The following RIF1 variants were observed in gnomAD, a reference collection of about 807,000 sequenced individuals.
RIF1 encodes the protein replication timing regulatory factor 1.
RIF1 carries 45 observed loss-of-function variants against 247.1 expected under a neutral mutation model. The observed-to-expected ratio is 0.18, with a 90% CI of 0.14 to 0.23. RIF1 has a LOEUF of 0.23. Among genes scored for constraint, RIF1 ranks in the 10% least tolerant of loss-of-function variants. RIF1 has a pLI of 1.00. For synonymous variants in RIF1, 1,087 were observed against 978.8 expected, an observed-to-expected ratio of 1.11 and a Z score of -2.06; for missense variants, 2,967 against 2,862.5, an observed-to-expected ratio of 1.04 and a Z score of -0.83.
At chr2:151,473,002 G>A (rs2048673451) in intron 34 of RIF1, among the ~76,000 whole-genome samples, 1 of 151,968 alleles carries the variant, frequency 6.6e-6, no homozygotes, top group South Asian at 2.1e-4. Context: ...ATCTGGTCCT[G>A]GACTTTTTTT....
chr2:151,480,999 TATTAA>T lies in RIF1; in HGVS notation c.*5935_*5939del, dbSNP rs1553502958. ...GGACATTTTGTGACACATGAAAACA[TATTAA>T]ATTAAAATTTCAGTATCCAGAAATA... On this transcript the variant is annotated 3_prime_UTR_variant, in exon 36 of 36. Transcript: ENST00000444746. 6.6e-6 allele frequency: 1 copy of T among 152,120 alleles called. No homozygotes were observed. The highest frequency in any genetic ancestry group is 6.5e-5 in the Admixed American group (1 of 15,270). The allele number at this position is 152,120 out of a possible 1,614,324, so 9.4% of individuals were successfully genotyped here.
At chr2:151,444,013 A>C (rs1692806370) in intron 18 of RIF1, among the ~76,000 whole-genome samples, 1 of 152,234 alleles carries the variant, frequency 6.6e-6, no homozygotes, top group Non-Finnish European at 1.5e-5. Context: ...ACAGGGAATA[A>C]CAGCGGTTAT....
chr2:151,458,679 A>G (rs1391838854), intron 24 of RIF1, 132 bp from the exon 25 acceptor site: 2 of 452,482 alleles, frequency 4.4e-6, no homozygotes, highest in Admixed American at 8.2e-5. Flanking sequence ...TACACATAGT[A>G]AGGAACAGTC....
chr2:151,495,228 G>T (rs1225166706), intron 9 of RIF1: 3 of 152,296 alleles, frequency 2.0e-5, no homozygotes, highest in African/African-American at 7.2e-5. Flanking sequence ...TCTCCCCTCA[G>T]TGTCATTCTT....
At chr2:151,496,393 A>T in intron 10 of RIF1, 1 of 1,586,438 alleles carries the variant, frequency 6.3e-7, no homozygotes, top group Non-Finnish European at 8.6e-7. Flanking sequence ...AGCATCCAGA[A>T]AAACAACCAT....
At chr2:151,523,249 T>TA in the RIF1 span, among the ~76,000 whole-genome samples, 135 of 152,316 alleles carry the variant, frequency 8.9e-4, no homozygotes, top group African/African-American at 3.0e-3. Context: ...TATAATAAAA[T>TA]ATGTTACATA....
At chr2:151,430,482 T>G (rs1444232880) in intron 9 of RIF1, among the ~76,000 whole-genome samples, 3 of 151,932 alleles carry the variant, frequency 2.0e-5, no homozygotes, top group African/African-American at 7.3e-5. Flanking sequence ...CTGCCACGTC[T>G]GGCTAATTTT....
rs1338798670 is a variant in RIF1, at chr2:151,478,541, G to A, written c.*3470G>A. ...TTTTTTTTTTTCTGTACAGCTTGAAGATAAGATAGTTAAAGACTCTGTTAC... is the reference window on the plus strand; with the variant it reads ...TTTTTTTTTTTCTGTACAGCTTGAAAATAAGATAGTTAAAGACTCTGTTAC... On this transcript the variant is annotated 3_prime_UTR_variant, in exon 36 of 36. Coordinates refer to ENST00000444746, the MANE Select transcript of RIF1 (RefSeq NM_018151.5). 6.6e-6 allele frequency: 1 copy of A among 150,484 alleles called. No homozygotes were observed. The highest frequency in any genetic ancestry group is 1.5e-5 in the Non-Finnish European group (1 of 67,828). The allele number at this position is 150,484 out of a possible 1,614,324, so 9.3% of individuals were successfully genotyped here.
chr2:151,452,811 A>G (rs974904548), intron 21 of RIF1, among the ~76,000 whole-genome samples: 5 of 152,232 alleles, frequency 3.3e-5, no homozygotes, highest in Admixed American at 6.5e-5. Context: ...TCATTTTGAC[A>G]TAATTTTACC....
chr2:151,465,267 C>T lies in RIF1; in HGVS notation c.5747C>T (p.Thr1916Ile). Residue 1916 changes from threonine (T) to isoleucine (I), a missense_variant, in exon 30 of 36, where the codon ACT becomes ATT. By Grantham distance (89) the Thr-to-Ile change is moderately conservative. Transcript: ENST00000444746. Reference protein sequence around the residue: ...VTESNLEKAKTMELNVGNEAS... With the variant: ...VTESNLEKAKIMELNVGNEAS... Reference sequence around the variant, plus strand: ...GAATCCAATCTAGAGAAAGCAAAAACTATGGAATTGAATGTAGGAAATGAA... The same window carrying T: ...GAATCCAATCTAGAGAAAGCAAAAATTATGGAATTGAATGTAGGAAATGAA... 1.2e-6 allele frequency: 2 copies of T among 1,611,054 alleles called. No individual in the cohort carries two copies. Among genetic ancestry groups the T allele is most frequent in the Non-Finnish European group, 1.7e-6 (2 of 1,179,336 alleles).
chr2:151,415,264 G>A (rs942978908), intron 4 of RIF1, among the ~76,000 whole-genome samples: 3 of 151,062 alleles, frequency 2.0e-5, no homozygotes, highest in Non-Finnish European at 3.0e-5. Context: ...GGAGAATGAC[G>A]TGAACCCGGG....
At chr2:151,517,017 A>G in the RIF1 span, among the ~76,000 whole-genome samples, 1 of 152,244 alleles carries the variant, frequency 6.6e-6, no homozygotes, top group Admixed American at 6.5e-5. Context: ...GTCTAGATTG[A>G]ATGGATAACA....
At chr2:151,482,240 G>A (rs1574219211), downstream of RIF1, 1 of 152,188 alleles carries the variant, frequency 6.6e-6, no homozygotes, top group Admixed American at 6.5e-5. Flanking sequence ...GATCTGAAAT[G>A]AGTATGAATA....
chr2:151,410,294 C>T (rs918694355), intron 1 of RIF1, 120 bp from the exon 2 acceptor site: 1 of 746,588 alleles, frequency 1.3e-6, no homozygotes, highest in Non-Finnish European at 2.2e-6. Context: ...GGGGTGCAGA[C>T]GCGGCGTGGC....
At chr2:151,420,565 A>G (rs980549201) in intron 7 of RIF1, among the ~76,000 whole-genome samples, 186 bp downstream of exon 7, 13 of 151,934 alleles carry the variant, frequency 8.6e-5, no homozygotes, top group South Asian at 2.1e-4. Context: ...GTGAAGACCC[A>G]TCTCTACAAA....
downstream of RIF1, among the ~76,000 whole-genome samples, chr2:151,509,297 G>A (rs961814966): frequency 6.7e-6 from 1 of 149,116 alleles, no homozygotes; most frequent in African/African-American, 2.4e-5. Context: ...AAAGTCACCT[G>A]GATGACTCCT....
intron 8 of RIF1, among the ~76,000 whole-genome samples, chr2:151,423,970 GC>G (rs2152221253): frequency 1.3e-5 from 2 of 152,154 alleles, no homozygotes; most frequent in East Asian, 3.9e-4. Context: ...CCCTCCTCCT[GC>G]ACCCAGACAT....
intron 3 of RIF1, among the ~76,000 whole-genome samples, chr2:151,411,743 C>G (rs894284980): frequency 3.3e-5 from 5 of 152,168 alleles, no homozygotes; most frequent in Admixed American, 2.6e-4. Flanking sequence ...GACTCAAAAG[C>G]TTTGAATCTA....
chr2:151,442,871 A>G (rs988595108), intron 16 of RIF1, among the ~76,000 whole-genome samples: 3 of 145,894 alleles, frequency 2.1e-5, no homozygotes, highest in African/African-American at 7.6e-5. Context: ...TCCCGGTCTC[A>G]TGCCATTCTC....
Sources: gnomAD v4.1 joint callset for allele counts (sites outside exome capture counted in the v4.1 genomes callset) on GRCh38, gnomAD v4.1.1 for gene constraint, MANE v1.5 for transcripts, NCBI Gene and HGNC (gene_info 2026-07-23, HGNC 2026-07-21) for gene names.